The following RALGAPA1 variants were observed in gnomAD, a reference collection of about 807,000 sequenced individuals.
RALGAPA1 encodes Ral GTPase activating protein catalytic subunit alpha 1.
A neutral mutation model predicts 269.6 loss-of-function variants in RALGAPA1; 52 were observed. The observed-to-expected ratio is 0.19, with a 90% CI of 0.15 to 0.24. The LOEUF (loss-of-function observed/expected upper bound fraction) is 0.24, where lower values mean the gene tolerates loss of function less well. Among genes scored for constraint, RALGAPA1 ranks in the 10% least tolerant of loss-of-function variants. The probability of loss-of-function intolerance (pLI) is 1.00; values close to 1 mark genes in which losing one functional copy is unlikely to be tolerated. For missense variants in RALGAPA1, 1,917 were observed against 3,013.9 expected (o/e 0.64, Z 8.52); for synonymous variants, 817 against 1,008.3 (o/e 0.81, Z 3.60).
At chr14:35,677,898 G>T in intron 22 of RALGAPA1, 52 bp downstream of exon 22, 1 of 1,535,210 alleles carries the variant, frequency 6.5e-7, no homozygotes, top group South Asian at 1.1e-5. Flanking sequence ...ATGATCTCCT[G>T]ACACTGACGC....
chr14:35,640,257 A>C (rs1041724185), intron 31 of RALGAPA1, among the ~76,000 whole-genome samples: 2 of 152,264 alleles, frequency 1.3e-5, no homozygotes, highest in Non-Finnish European at 2.9e-5. Context: ...ATAAAACTGA[A>C]ATGGCAAAAA....
chr14:35,732,746 T>C (rs1183669179), intron 12 of RALGAPA1, among the ~76,000 whole-genome samples: 1 of 152,154 alleles, frequency 6.6e-6, no homozygotes, highest in Non-Finnish European at 1.5e-5. Context: ...CTCCCAAATT[T>C]ATAAAACAAT....
At chr14:35,590,137 A>G (rs946939480) in intron 37 of RALGAPA1, among the ~76,000 whole-genome samples, 5 of 152,216 alleles carry the variant, frequency 3.3e-5, no homozygotes, top group Non-Finnish European at 5.9e-5. Context: ...AACATCATAT[A>G]CTATTATCAG....
At chr14:35,795,244 A>C (rs2076477344) in intron 1 of RALGAPA1, among the ~76,000 whole-genome samples, 1 of 152,128 alleles carries the variant, frequency 6.6e-6, no homozygotes, top group Admixed American at 6.5e-5. Context: ...GGACCCAGCA[A>C]ACTCCATGAA....
chr14:35,735,940 C>A (rs1015073726), intron 12 of RALGAPA1, among the ~76,000 whole-genome samples: 3 of 152,198 alleles, frequency 2.0e-5, no homozygotes, highest in Non-Finnish European at 2.9e-5. Flanking sequence ...ATAAAGACTT[C>A]TGCATTGCTG....
chr14:35,764,872 T>C (rs2074020078), intron 4 of RALGAPA1, among the ~76,000 whole-genome samples: 1 of 152,146 alleles, frequency 6.6e-6, no homozygotes, highest in Non-Finnish European at 1.5e-5. Flanking sequence ...ATAATCAATT[T>C]GCCAGTGTTT....
intron 39 of RALGAPA1, among the ~76,000 whole-genome samples, chr14:35,554,880 T>C (rs1450957881): frequency 6.6e-6 from 1 of 152,240 alleles, no homozygotes; most frequent in African/African-American, 2.4e-5. Flanking sequence ...GGCCTGGTAG[T>C]ATTCAATGAC....
intron 35 of RALGAPA1, among the ~76,000 whole-genome samples, chr14:35,613,657 A>G (rs949458340): frequency 3.3e-5 from 5 of 152,140 alleles, no homozygotes; most frequent in African/African-American, 2.4e-5. Flanking sequence ...TTCTGCTTCC[A>G]TCTCTACATA....
chr14:35,587,693 G>T (rs977143372), intron 37 of RALGAPA1, among the ~76,000 whole-genome samples: 27 of 136,246 alleles, frequency 2.0e-4, no homozygotes, highest in African/African-American at 5.8e-4. Flanking sequence ...ACAGGGTGGG[G>T]AACATTACAC....
chr14:35,645,076 G>T (rs2062305717), intron 31 of RALGAPA1, among the ~76,000 whole-genome samples: 1 of 152,124 alleles, frequency 6.6e-6, no homozygotes, highest in South Asian at 2.1e-4. Context: ...CTAGAAAGTT[G>T]AAGATCAAGG....
chr14:35,570,434 G>T (rs956103600), intron 39 of RALGAPA1, among the ~76,000 whole-genome samples, 183 bp downstream of exon 39: 1 of 151,996 alleles, frequency 6.6e-6, no homozygotes, highest in Non-Finnish European at 1.5e-5. Context: ...ACCAAGGTGG[G>T]ACAATCATTT....
At chr14:35,677,286 T>C (rs1284778600) in intron 22 of RALGAPA1, 1 of 152,274 alleles carries the variant, frequency 6.6e-6, no homozygotes, top group Non-Finnish European at 1.5e-5. Context: ...AACTAGCTTT[T>C]CATTCATTGT....
chr14:35,681,372 T>C (rs1000760084), intron 21 of RALGAPA1, among the ~76,000 whole-genome samples: 59 of 152,188 alleles, frequency 3.9e-4, no homozygotes, highest in Non-Finnish European at 1.2e-4. Flanking sequence ...GACCTAAAAA[T>C]AGTCACTACA....
intron 4 of RALGAPA1, among the ~76,000 whole-genome samples, chr14:35,770,550 C>T (rs1405341763): frequency 1.3e-5 from 2 of 152,064 alleles, no homozygotes; most frequent in East Asian, 3.8e-4. Flanking sequence ...ATAGAACTAG[C>T]AAACAATAAG....
chr14:35,623,095 A>AC (rs2060746725), intron 35 of RALGAPA1, among the ~76,000 whole-genome samples: 1 of 152,080 alleles, frequency 6.6e-6, no homozygotes, highest in Admixed American at 6.6e-5. Context: ...AAAAAAAAAA[A>AC]AAAAAATCTA....
intron 26 of RALGAPA1, among the ~76,000 whole-genome samples, chr14:35,667,450 T>A (rs183681402): frequency 1.7e-3 from 263 of 152,304 alleles, no homozygotes; most frequent in Non-Finnish European, 2.4e-3. Flanking sequence ...AGCATTATAA[T>A]CTGATTCCTG....
At chr14:35,562,911 C>G (rs1222720415) in intron 39 of RALGAPA1, among the ~76,000 whole-genome samples, 1 of 149,696 alleles carries the variant, frequency 6.7e-6, no homozygotes, top group Non-Finnish European at 1.5e-5. Context: ...GTCCCAGCGA[C>G]TCGGGAGGCT....
intron 1 of RALGAPA1, among the ~76,000 whole-genome samples, chr14:35,801,919 A>G (rs931345899): frequency 3.2e-4 from 49 of 152,354 alleles, no homozygotes; most frequent in South Asian, 2.1e-4. Context: ...GTAAGGCAAG[A>G]AAAAGAAATA....
chr14:35,664,329 T>G (rs936480333), intron 27 of RALGAPA1, among the ~76,000 whole-genome samples: 2 of 152,210 alleles, frequency 1.3e-5, no homozygotes, highest in African/African-American at 4.8e-5. Flanking sequence ...CATCTTAATC[T>G]CAGAAGCTTT....
Sources: allele counts gnomAD v4.1 joint callset (sites outside exome capture counted in the v4.1 genomes callset), GRCh38; gene constraint gnomAD v4.1.1; transcripts MANE v1.5; gene names NCBI Gene and HGNC (gene_info 2026-07-23, HGNC 2026-07-21).